NIPBL: variants seen among roughly 807,000 people sequenced by gnomAD.
NIPBL encodes the protein NIPBL cohesin loading factor, also known as nipped-B-like protein.
NIPBL carries 19 observed loss-of-function variants against 321.8 expected under a neutral mutation model. That is an observed-to-expected ratio of 0.06 (90% CI 0.04 to 0.09). The LOEUF is 0.09. Ranked by LOEUF, NIPBL falls within the 10% of genes least tolerant of loss-of-function variation. NIPBL has a pLI of 1.00. For missense variants in NIPBL, 2,210 were observed against 3,327.0 expected (o/e 0.66, Z 8.26); for synonymous variants, 1,106 against 1,114.1 (o/e 0.99, Z 0.14).
Position 36,986,084 on chromosome 5 carries a change from T to A in NIPBL, c.2904T>A (p.Asn968Lys), listed in dbSNP as rs758911512. ...IPKIKRDKDG[N>K]VTQETKKMEM... Reference sequence around the variant, plus strand: ...AAATCAAGAGGGATAAAGATGGCAATGTTACTCAGGAGACAAAGAAAATGG... The same window carrying A: ...AAATCAAGAGGGATAAAGATGGCAAAGTTACTCAGGAGACAAAGAAAATGG... The change falls in exon 10 of 47, where the codon AAT (asparagine) becomes AAA (lysine). Residue 968 changes from asparagine (N) to lysine (K), a missense_variant. Physicochemically the swap from Asn to Lys is moderately conservative, Grantham distance 94. Coordinates refer to ENST00000282516, the MANE Select transcript of NIPBL (RefSeq NM_133433.4). 3.7e-6 allele frequency: 6 copies of A among 1,613,886 alleles called. No individual in the cohort carries two copies. Among genetic ancestry groups the A allele is most frequent in the Non-Finnish European group, 5.1e-6 (6 of 1,179,938 alleles).
At position 37,014,700 on chromosome 5, in the gene NIPBL, C is replaced by T. The variant is rs756639524; in HGVS notation, c.4578C>T (p.Val1526=). 1.9e-6 allele frequency: 3 copies of T among 1,605,818 alleles called. No individual in the cohort carries two copies. The highest frequency in any genetic ancestry group is 2.6e-6 in the Non-Finnish European group (3 of 1,172,728). The change falls in exon 22 of 47, where the codon GTC becomes GTT. Residue 1526 remains valine, a synonymous_variant. Transcript: ENST00000282516. ...CATTCTAGATTGACCAGGATGTTGTCATTACTAACTCTTATGAAACAGCTA... is the reference window on the plus strand; with the variant it reads ...CATTCTAGATTGACCAGGATGTTGTTATTACTAACTCTTATGAAACAGCTA... ...DSNKKIDQDV[V]ITNSYETAMR...
chr5:36,920,018 A>G (rs1370552441), intron 1 of NIPBL, among the ~76,000 whole-genome samples: 1 of 152,184 alleles, frequency 6.6e-6, no homozygotes, highest in Non-Finnish European at 1.5e-5. Flanking sequence ...TTTTATGGCA[A>G]TAGTATTTTG....
rs767027766 is a variant in NIPBL, at chr5:37,026,336, G to A, written c.5808+9G>A. 3.9e-6 allele frequency: 6 copies of A among 1,537,072 alleles called. No individual in the cohort carries two copies. Among genetic ancestry groups the A allele is most frequent in the Non-Finnish European group, 4.5e-6 (5 of 1,111,264 alleles). ...TAAACATTACCGATGTGGTAAGAAG[G>A]ACTGGAACAAGGGTGTGGTCACTGT... On this transcript the variant is annotated intron_variant, in intron 31 of 46. Coordinates refer to ENST00000282516, the MANE Select transcript of NIPBL (RefSeq NM_133433.4).
intron 1 of NIPBL, among the ~76,000 whole-genome samples, chr5:36,916,562 A>C (rs1748474539): frequency 6.6e-6 from 1 of 152,186 alleles, no homozygotes; most frequent in African/African-American, 2.4e-5. Context: ...CAGTTTTGTT[A>C]CATATGTATA....
At chr5:36,878,974 G>T (rs114053284) in intron 1 of NIPBL, among the ~76,000 whole-genome samples, 3 of 148,756 alleles carry the variant, frequency 2.0e-5, no homozygotes, top group Admixed American at 6.7e-5. Context: ...TACTGCGGGT[G>T]GGGGGGTGTG....
chr5:36,890,128 A>G (rs1746207856), intron 1 of NIPBL, among the ~76,000 whole-genome samples: 1 of 152,118 alleles, frequency 6.6e-6, no homozygotes, highest in South Asian at 2.1e-4. Flanking sequence ...AATTCTTTAA[A>G]ATGTTGCCCA....
intron 6 of NIPBL, among the ~76,000 whole-genome samples, chr5:36,964,955 TACAA>T (rs1320754433): frequency 6.6e-6 from 1 of 152,026 alleles, no homozygotes; most frequent in Non-Finnish European, 1.5e-5. Flanking sequence ...ATCAGAGAAA[TACAA>T]ACAAAAAGCA....
chr5:36,884,993 A>G (rs553043181), intron 1 of NIPBL, among the ~76,000 whole-genome samples: 4 of 152,226 alleles, frequency 2.6e-5, no homozygotes, highest in African/African-American at 7.2e-5. Flanking sequence ...TAATTGGAGT[A>G]AGATACTGGA....
At chr5:36,891,179 G>A (rs1373810163) in intron 1 of NIPBL, among the ~76,000 whole-genome samples, 1 of 151,992 alleles carries the variant, frequency 6.6e-6, no homozygotes, top group Non-Finnish European at 1.5e-5. Flanking sequence ...GCAGGAGAAC[G>A]GCATGAACCC....
intron 6 of NIPBL, among the ~76,000 whole-genome samples, chr5:36,968,396 G>C (rs1443136050): frequency 6.6e-6 from 1 of 151,964 alleles, no homozygotes; most frequent in African/African-American, 2.4e-5. Context: ...AGTGAAACCC[G>C]TGTGTACTAA....
chr5:36,958,081 GAT>G, intron 3 of NIPBL, 21 bp from the exon 4 acceptor site: 3 of 1,609,266 alleles, frequency 1.9e-6, no homozygotes, highest in Non-Finnish European at 2.5e-6. Context: ...TTTAATTTTT[GAT>G]ACTTATTTTC....
intron 42 of NIPBL, among the ~76,000 whole-genome samples, chr5:37,056,578 C>T (rs764807973): frequency 1.3e-5 from 2 of 152,154 alleles, no homozygotes; most frequent in Non-Finnish European, 2.9e-5. Context: ...CTCTGACATT[C>T]TGAATTACAT....
At chr5:36,944,839 T>G (rs1339695527) in intron 1 of NIPBL, among the ~76,000 whole-genome samples, 1 of 152,156 alleles carries the variant, frequency 6.6e-6, no homozygotes, top group Admixed American at 6.6e-5. Flanking sequence ...CATAAAAGCC[T>G]TTTCCTTGTA....
At chr5:36,979,387 G>A (rs1280830132) in intron 9 of NIPBL, among the ~76,000 whole-genome samples, 2 of 151,828 alleles carry the variant, frequency 1.3e-5, no homozygotes, top group African/African-American at 4.8e-5. Flanking sequence ...TTGGTTCTCA[G>A]CTCGAACGTT....
At chr5:37,042,696 C>T (rs556652599) in intron 34 of NIPBL, among the ~76,000 whole-genome samples, 2 of 151,752 alleles carry the variant, frequency 1.3e-5, no homozygotes, top group Non-Finnish European at 2.9e-5. Flanking sequence ...CATGCTGGTG[C>T]TTCTCCTTCC....
At chr5:36,943,144 G>A (rs1346601833) in intron 1 of NIPBL, among the ~76,000 whole-genome samples, 1 of 151,892 alleles carries the variant, frequency 6.6e-6, no homozygotes, top group Non-Finnish European at 1.5e-5. Flanking sequence ...CTGTGAATAC[G>A]GAAGGCCAAC....
intron 1 of NIPBL, among the ~76,000 whole-genome samples, chr5:36,945,963 T>C (rs1204000902): frequency 6.6e-6 from 1 of 152,188 alleles, no homozygotes; most frequent in African/African-American, 2.4e-5. Context: ...TATTTATTTA[T>C]TTACTTAACC....
At chr5:37,050,114 A>AGG (rs1474930451) in intron 40 of NIPBL, among the ~76,000 whole-genome samples, 1 of 152,064 alleles carries the variant, frequency 6.6e-6, no homozygotes, top group Admixed American at 6.6e-5. Context: ...TAAACTACCG[A>AGG]GGGTTCTTTG....
In NIPBL at chr5:36,883,809, A is replaced by G. The variant is rs151127154; in HGVS notation, c.-80+6631A>G. 4.0e-3 allele frequency among the ~76,000 whole-genome samples: 608 copies of G among 150,900 alleles called. 4 individuals carry two copies. The highest frequency in any genetic ancestry group is 0.014 in the African/African-American group (566 of 41,266). On this transcript the variant is annotated intron_variant, in intron 1 of 46. Transcript: ENST00000282516. The stretch of plus-strand genomic sequence containing the variant: ...CATCGATCGTCTGAGTGTATGCTCT[A>G]TGTAATTCAGTTTTTTTTTTTGGTA...
Sources: allele counts gnomAD v4.1 joint callset (sites outside exome capture counted in the v4.1 genomes callset), GRCh38; gene constraint gnomAD v4.1.1; transcripts MANE v1.5; gene names NCBI Gene and HGNC (gene_info 2026-07-23, HGNC 2026-07-21).